Variants in REN observed in about 807,000 individuals in gnomAD.
REN encodes renin.
REN carries 42 observed loss-of-function variants against 48.6 expected under a neutral mutation model. The ratio of observed to expected loss-of-function variants is 0.86; its 90% confidence interval spans 0.68 to 1.12. The LOEUF (loss-of-function observed/expected upper bound fraction) is 1.12. Ranked by LOEUF, REN falls within the 50% of genes most tolerant of loss-of-function variation. The pLI is 0.00. For synonymous variants in REN, 196 were observed against 204.6 expected (o/e 0.96, Z 0.36); for missense variants, 443 against 527.3 (o/e 0.84, Z 1.57).
At position 204,156,772 on chromosome 1, in the gene REN, C is replaced by G. The variant is rs951483026; in HGVS notation, c.723G>C (p.Gln241His). The change falls in exon 7 of 10, where the codon CAG becomes CAC. Residue 241 changes from glutamine (Q) to histidine (H), a missense_variant. By Grantham distance (24) the Gln-to-His change is conservative (BLOSUM62 0). Transcript: ENST00000272190. This position sits in a 1 kb window ranked among gnomAD's most constrained non-coding sequence, Gnocchi z 4.2. ...GGGGGTCGCTGCCTCCCAGCACAAT[C>G]TGTCCTCCCAGCGATTGGGAATTCC... ...DSENSQSLGG[Q>H]IVLGGSDPQH... 6.2e-7 allele frequency: 1 copy of G among 1,614,156 alleles called. No homozygotes were observed. Among genetic ancestry groups the G allele is most frequent in the African/African-American group, 1.3e-5 (1 of 75,044 alleles).
chr1:204,164,567 T>A (rs1415406339), intron 1 of REN, among the ~76,000 whole-genome samples: 4 of 61,926 alleles, frequency 6.5e-5, no homozygotes, highest in African/African-American at 1.6e-4. Flanking sequence ...TCTTCAGTCT[T>A]TTTTTTTTTT....
Position 204,159,469 on chromosome 1 carries a change from T to C in REN, c.619A>G (p.Thr207Ala). 1 of 1,614,040 alleles carries C rather than the reference T, an allele frequency of 6.2e-7. No individual in the cohort carries two copies. The highest frequency in any genetic ancestry group is 8.5e-7 in the Non-Finnish European group (1 of 1,180,018). The change falls in exon 5 of 10, where the codon ACC becomes GCC. Residue 207 changes from threonine to alanine, a missense_variant. Physicochemically the swap from Thr to Ala is moderately conservative, Grantham distance 58 (BLOSUM62 0). Transcript: ENST00000272190. ...GAGATGATGTTGTCGAAGATAGGGG[T>C]GACCCTGCCAATGGCCTGTTCAATG... ...GFIEQAIGRV[T>A]PIFDNIISQG...
chr1:204,156,852 C>G lies in REN; in HGVS notation c.699-56G>C, dbSNP rs1208735386. 6.2e-7 allele frequency: 1 copy of G among 1,608,628 alleles called. No individual in the cohort carries two copies. The highest frequency in any genetic ancestry group is 8.5e-7 in the Non-Finnish European group (1 of 1,179,412). On this transcript the variant is annotated intron_variant, in intron 6 of 9. Coordinates refer to ENST00000272190, the MANE Select transcript of REN (RefSeq NM_000537.4). This position sits in a 1 kb window ranked among gnomAD's most constrained non-coding sequence, Gnocchi z 4.2. ...CCATAACCTCCAGGACCCAGCAACTCAGGCAATTGGGGAAGGTTGCACAAG... is the reference window on the plus strand; with the variant it reads ...CCATAACCTCCAGGACCCAGCAACTGAGGCAATTGGGGAAGGTTGCACAAG...
chr1:204,163,340 G>A (rs1297801826), intron 1 of REN, among the ~76,000 whole-genome samples: 3 of 152,128 alleles, frequency 2.0e-5, no homozygotes, highest in Non-Finnish European at 4.4e-5. Context: ...GCATGGTATT[G>A]TAACAGAAAT....
chr1:204,158,834 C>T (rs942870010), intron 5 of REN, among the ~76,000 whole-genome samples: 1 of 152,224 alleles, frequency 6.6e-6, no homozygotes, highest in Non-Finnish European at 1.5e-5. Context: ...AGTACAGATT[C>T]TGCCTTGTTC....
chr1:204,159,662 C>A, intron 4 of REN, 67 bp from the exon 5 acceptor site: 2 of 1,422,364 alleles, frequency 1.4e-6, no homozygotes, highest in Non-Finnish European at 2.0e-6. Flanking sequence ...CTGGTCTGGG[C>A]TTCCACACTA....
Position 204,156,890 on chromosome 1 carries a change from G to A in REN, c.699-94C>T. 2 of 1,496,518 alleles carry A rather than the reference G, an allele frequency of 1.3e-6. No individual in the cohort carries two copies. The highest frequency in any genetic ancestry group is 1.8e-6 in the Non-Finnish European group (2 of 1,084,930). 92.7% of individuals were successfully genotyped at this position (1,496,518 alleles called of 1,614,324 possible). On this transcript the variant is annotated intron_variant, in intron 6 of 9. Coordinates refer to ENST00000272190, the MANE Select transcript of REN (RefSeq NM_000537.4). This position sits in a 1 kb window ranked among gnomAD's most constrained non-coding sequence, Gnocchi z 4.2. The stretch of plus-strand genomic sequence containing the variant: ...AAGGTTGCACAAGGGTGCAGGGGAG[G>A]ACAGAGGGCTCTAGAGCAGAGGAAT...
In REN at chr1:204,156,332, ACAGT is replaced by A. The variant is rs771719520; in HGVS notation, c.819-17_819-14del. On this transcript the variant is annotated splice_polypyrimidine_tract_variant and intron_variant, in intron 7 of 9. Coordinates refer to ENST00000272190, the MANE Select transcript of REN (RefSeq NM_000537.4). This position sits in a 1 kb window ranked among gnomAD's most constrained non-coding sequence, Gnocchi z 4.2. ...CCCCACAGACACCCTGGGGGAGGCC[ACAGT>A]CAGACAGACAGACAGACAGACAGAC... 3.0e-5 allele frequency: 48 copies of A among 1,609,688 alleles called. No homozygotes were observed. Among genetic ancestry groups the A allele is most frequent in the Non-Finnish European group, 3.9e-5 (46 of 1,179,000 alleles).
At chr1:204,163,875 A>G (rs1320926510) in intron 1 of REN, among the ~76,000 whole-genome samples, 2 of 152,126 alleles carry the variant, frequency 1.3e-5, no homozygotes. Context: ...ACCCCTCTCT[A>G]ACAATGGGCC....
chr1:204,164,565 C>CTTTTTTTTTTT (rs748060874), intron 1 of REN, among the ~76,000 whole-genome samples: 3 of 93,690 alleles, frequency 3.2e-5, no homozygotes, highest in East Asian at 3.8e-4. Context: ...CTTCTTCAGT[C>CTTTTTTTTTTT]TTTTTTTTTT....
At chr1:204,165,398 T>G (rs1306936154) in intron 1 of REN, among the ~76,000 whole-genome samples, 1 of 152,248 alleles carries the variant, frequency 6.6e-6, no homozygotes, top group African/African-American at 2.4e-5. Context: ...AAGTAGGTAC[T>G]GTTATTATCA....
intron 4 of REN, 106 bp from the exon 5 acceptor site, chr1:204,159,701 G>T: frequency 1.0e-6 from 1 of 956,568 alleles, no homozygotes; most frequent in Non-Finnish European, 1.7e-6. Flanking sequence ...ATGCTCCAGG[G>T]TACAGAAATC....
rs754978986 is a variant in REN, at chr1:204,156,346, A to C, written c.819-27T>G. The C allele has an allele frequency of 1.9e-6, 3 of 1,608,202 alleles. No individual in the cohort carries two copies. The South Asian group carries it at 3.3e-5, about 18-fold the overall frequency. ...TGGGGGAGGCCACAGTCAGACAGAC[A>C]GACAGACAGACAGACAGAAGGCTGA... On this transcript the variant is annotated intron_variant, in intron 7 of 9. Coordinates refer to ENST00000272190, the MANE Select transcript of REN (RefSeq NM_000537.4). This position sits in a 1 kb window ranked among gnomAD's most constrained non-coding sequence, Gnocchi z 4.2.
intron 5 of REN, among the ~76,000 whole-genome samples, chr1:204,157,606 C>T (rs908384245): frequency 1.3e-5 from 2 of 152,246 alleles, no homozygotes; most frequent in East Asian, 3.8e-4. Flanking sequence ...TTCCTCCTCA[C>T]TGCACTTGGC....
Position 204,156,694 on chromosome 1 carries a change from C to T in REN, c.801G>A (p.Trp267Ter). Residue 267 changes from tryptophan to a stop codon, truncating the protein, a stop_gained, in exon 7 of 10, where the codon TGG (tryptophan) becomes TGA (stop). Transcript: ENST00000272190. LOFTEE classifies it high-confidence loss of function. The surrounding 1 kb of genome is among the most constrained non-coding windows in gnomAD (Gnocchi z 4.2). ...TTTCTGACCCCTTCATTTGAATCTGCCAGACACCAGTCTTGATGAGGTTGA... is the reference window on the plus strand; with the variant it reads ...TTTCTGACCCCTTCATTTGAATCTGTCAGACACCAGTCTTGATGAGGTTGA... ...HYINLIKTGV[W>*]QIQMKGVSVG... The T allele has an allele frequency of 1.9e-6, 3 of 1,613,974 alleles. No homozygotes were observed. The highest frequency in any genetic ancestry group is 2.5e-6 in the Non-Finnish European group (3 of 1,179,936).
At position 204,156,407 on chromosome 1, in the gene REN, T is replaced by A; in HGVS notation, c.819-88A>T. The A allele has an allele frequency of 2.8e-6, 2 of 704,852 alleles. No homozygotes were observed. Among genetic ancestry groups the A allele is most frequent in the Non-Finnish European group, 4.6e-6 (2 of 435,424 alleles). 43.7% of individuals were successfully genotyped at this position (704,852 alleles called of 1,614,324 possible). A position where few individuals can be genotyped will look rare whatever the true frequency, so the allele number is the denominator to read the frequency against. ...CCAGGCTGCATGTCCTTCCTGAGTG[T>A]GGGTGGGTGGGTGGAGGCCACGCTG... On this transcript the variant is annotated intron_variant, in intron 7 of 9. Transcript: ENST00000272190. The surrounding 1 kb of genome is among the most constrained non-coding windows in gnomAD (Gnocchi z 4.2).
intron 4 of REN, 51 bp from the exon 5 acceptor site, chr1:204,159,646 TG>T: frequency 6.4e-7 from 1 of 1,557,518 alleles, no homozygotes; most frequent in Non-Finnish European, 8.9e-7. Flanking sequence ...ACTCCTTGGT[TG>T]GAGTCTGGTC....
At chr1:204,161,222 T>C in intron 3 of REN, 70 bp downstream of exon 3, 1 of 1,487,614 alleles carries the variant, frequency 6.7e-7, no homozygotes, top group East Asian at 2.4e-5. Context: ...GAGCTGGGTG[T>C]TGGGCAGGAT....
chr1:204,164,046 G>A (rs11571078), intron 1 of REN, among the ~76,000 whole-genome samples: 27,543 of 152,106 alleles, frequency 0.18, 3,114 homozygotes, highest in African/African-American at 0.32. Flanking sequence ...TGCACATAGC[G>A]GGTAGCAAAA....
Sources: gnomAD v4.1 joint callset for allele counts (sites outside exome capture counted in the v4.1 genomes callset) on GRCh38, gnomAD v4.1.1 for gene constraint, Gnocchi (gnomAD v3.1) non-coding constraint, MANE v1.5 for transcripts, NCBI Gene and HGNC (gene_info 2026-07-23, HGNC 2026-07-21) for gene names.